Variants in TUBE1 observed in about 807,000 individuals in gnomAD.
The protein encoded by TUBE1 is tubulin epsilon chain.
In TUBE1, 34 loss-of-function variants were observed where a neutral mutation model predicts 53.5. That is an observed-to-expected ratio of 0.64 (90% CI 0.48 to 0.85). The LOEUF is 0.85. Among genes scored for constraint, TUBE1 ranks in the 40% least tolerant of loss-of-function variants. The probability of loss-of-function intolerance (pLI) is 0.00; values close to 1 mark genes in which losing one functional copy is unlikely to be tolerated. For synonymous variants in TUBE1, 177 were observed against 198.4 expected, an observed-to-expected ratio of 0.89 and a Z score of 0.91; for missense variants, 532 against 570.5, an observed-to-expected ratio of 0.93 and a Z score of 0.69.
At chr6:112,075,062 T>TTA in intron 8 of TUBE1, 1 of 199,252 alleles carries the variant, frequency 5.0e-6, no homozygotes, top group Non-Finnish European at 9.2e-6. Context: ...CATTTTTTTT[T>TTA]TCTTTCTTTT....
At chr6:112,073,745 A>G (rs1012802794) in intron 9 of TUBE1, among the ~76,000 whole-genome samples, 1 of 152,214 alleles carries the variant, frequency 6.6e-6, no homozygotes, top group African/African-American at 2.4e-5. Flanking sequence ...AAGAATCTTT[A>G]GTTTTCTTTA....
In TUBE1 at chr6:112,071,492, G is replaced by C. The variant is rs782660398; in HGVS notation, c.1348C>G (p.Leu450Val). ...FTEAVSSLSA[L>V]IQEYDQLDAT... The stretch of plus-strand genomic sequence containing the variant: ...TCCAGTTGGTCATATTCCTGTATGA[G>C]TGCTGATAAAGATGACACAGCTTCT... Residue 450 changes from leucine (L) to valine (V), a missense_variant, in exon 12 of 12, where the codon CTC becomes GTC. Coordinates refer to ENST00000368662, the MANE Select transcript of TUBE1 (RefSeq NM_016262.5). 6 of 1,612,710 alleles carry C rather than the reference G, an allele frequency of 3.7e-6. No individual in the cohort carries two copies. The highest frequency in any genetic ancestry group is 5.1e-6 in the Non-Finnish European group (6 of 1,179,188).
At chr6:112,075,473 T>G (rs1439759099) in intron 8 of TUBE1, 1 of 152,682 alleles carries the variant, frequency 6.5e-6, no homozygotes, top group African/African-American at 2.4e-5. Context: ...CACATATAAG[T>G]CAATAATTAG....
intron 6 of TUBE1, chr6:112,077,483 T>C (rs1402432523): frequency 1.3e-5 from 2 of 152,140 alleles, no homozygotes; most frequent in African/African-American, 2.4e-5. Context: ...TTTTCTTAAA[T>C]GAAACAGTAG....
At chr6:112,081,041 A>C (rs782707962) in intron 5 of TUBE1, 51 bp downstream of exon 5, 2 of 1,154,408 alleles carry the variant, frequency 1.7e-6, no homozygotes, top group Non-Finnish European at 2.6e-6. Context: ...ATGAAGAAAG[A>C]TTGCTCATTT....
chr6:112,071,523 AC>A lies in TUBE1; in HGVS notation c.1316del (p.Cys439PhefsTer33). 6.2e-7 allele frequency: 1 copy of A among 1,612,344 alleles called. No individual in the cohort carries two copies. The highest frequency in any genetic ancestry group is 2.2e-5 in the East Asian group (1 of 44,858). On this transcript the variant is annotated frameshift_variant, in exon 12 of 12. Coordinates refer to ENST00000368662, the MANE Select transcript of TUBE1 (RefSeq NM_016262.5). LOFTEE classifies it high-confidence loss of function. The part of the protein sequence containing the change: ...YLQVEGMEES[C>X]FTEAVSSLSA... Reference sequence around the variant, plus strand: ...ATAAAGATGACACAGCTTCTGTGAAACAGCTTTCTTCCATCCCTTCAACTTG... The same window carrying A: ...ATAAAGATGACACAGCTTCTGTGAAAAGCTTTCTTCCATCCCTTCAACTTG...
At chr6:112,073,879 G>T (rs1475386689) in intron 9 of TUBE1, among the ~76,000 whole-genome samples, 1 of 152,138 alleles carries the variant, frequency 6.6e-6, no homozygotes, top group Non-Finnish European at 1.5e-5. Flanking sequence ...GGGTTCAAGT[G>T]ATCCTCCCAC....
intron 2 of TUBE1, 26 bp from the exon 3 acceptor site, chr6:112,086,634 G>A (rs1227194805): frequency 5.9e-6 from 9 of 1,526,322 alleles, no homozygotes; most frequent in Non-Finnish European, 8.2e-6. Context: ...TATGTTAATA[G>A]CATTTAGGTT....
intron 6 of TUBE1, 165 bp downstream of exon 6, chr6:112,079,468 C>CAAAATTTT (rs1478044398): frequency 1.6e-5 from 8 of 502,524 alleles, no homozygotes; most frequent in Non-Finnish European, 2.6e-5. Context: ...CATAATTCCA[C>CAAAATTTT]AAAATTTTAA....
chr6:112,076,038 CTT>C lies in TUBE1; in HGVS notation c.709_710del (p.Lys237GlufsTer15). 1 of 1,613,946 alleles carries C rather than the reference CTT, an allele frequency of 6.2e-7. No homozygotes were observed. On this transcript the variant is annotated frameshift_variant, in exon 8 of 12. Transcript: ENST00000368662. LOFTEE classifies it high-confidence loss of function. ...CCCCAGAACTTGAAGTAACCAGACT[CTT>C]TGGCTTCACAGTTGTACCCAACTTT... ...SGKLGTTVKP[K>X]SLVTSSSGAL...
At chr6:112,084,509 T>C (rs1198999883) in intron 3 of TUBE1, among the ~76,000 whole-genome samples, 1 of 152,222 alleles carries the variant, frequency 6.6e-6, no homozygotes, top group Admixed American at 6.5e-5. Context: ...GGAAGTATTC[T>C]GGGAAGCTTT....
intron 3 of TUBE1, among the ~76,000 whole-genome samples, chr6:112,084,686 G>A (rs1477424961): frequency 3.3e-5 from 5 of 152,302 alleles, no homozygotes; most frequent in African/African-American, 1.2e-4. Context: ...TATAGTATTA[G>A]ATCTTTGAGG....
chr6:112,074,639 CT>C (rs1237219297), intron 9 of TUBE1, 70 bp downstream of exon 9: 13 of 1,250,600 alleles, frequency 1.0e-5, no homozygotes, highest in Non-Finnish European at 1.4e-5. Context: ...TTATTGCAAA[CT>C]TTTTTCTCTT....
At chr6:112,076,635 A>C in intron 6 of TUBE1, 126 bp from the exon 7 acceptor site, 2 of 745,770 alleles carry the variant, frequency 2.7e-6, no homozygotes, top group Non-Finnish European at 4.1e-6. Flanking sequence ...GCAGCAGCAT[A>C]ATCAGCTCAA....
chr6:112,087,393 C>G lies in TUBE1; in HGVS notation c.25+17G>C, dbSNP rs1385569979. The stretch of plus-strand genomic sequence containing the variant: ...ATTCCGCGGCGACCAGGTCTCTACC[C>G]GCCCGGCGTAGCTTACCCTGTACGA... On this transcript the variant is annotated intron_variant, in intron 1 of 11. Transcript: ENST00000368662. 1.9e-6 allele frequency: 3 copies of G among 1,551,438 alleles called. No homozygotes were observed. In the East Asian group the frequency reaches 7.3e-5, roughly 38 times the overall value.
chr6:112,070,998 A>G lies in TUBE1; in HGVS notation c.*414T>C, dbSNP rs973409445. 4 of 152,086 alleles carry G rather than the reference A, an allele frequency of 2.6e-5. No individual in the cohort carries two copies. The highest frequency in any genetic ancestry group is 5.9e-5 in the Non-Finnish European group (4 of 67,972). 9.4% of individuals were successfully genotyped at this position (152,086 alleles called of 1,614,324 possible). On this transcript the variant is annotated 3_prime_UTR_variant, in exon 12 of 12. Transcript: ENST00000368662. ...GGAAATATTTATATTGTGTTCTTCT[A>G]CTCCCAATAACTACTTTTAAAGAAT...
intron 11 of TUBE1, 104 bp from the exon 12 acceptor site, chr6:112,071,674 C>T (rs781944793): frequency 7.0e-5 from 74 of 1,057,570 alleles, no homozygotes; most frequent in Non-Finnish European, 9.3e-5. Context: ...GTTCATTCAG[C>T]TCTACATTTG....
At chr6:112,072,653 T>C in intron 10 of TUBE1, 105 bp downstream of exon 10, 6 of 1,195,140 alleles carry the variant, frequency 5.0e-6, no homozygotes, top group South Asian at 4.9e-5. Context: ...AGTCACACTT[T>C]AGTAAGTGGC....
intron 4 of TUBE1, among the ~76,000 whole-genome samples, chr6:112,082,376 GTAC>G (rs1210561915): frequency 6.6e-6 from 1 of 152,132 alleles, no homozygotes; most frequent in African/African-American, 2.4e-5. Context: ...GCAAATTTTA[GTAC>G]TACAAGTTGT....
Sources: allele counts gnomAD v4.1 joint callset (sites outside exome capture counted in the v4.1 genomes callset), GRCh38; gene constraint gnomAD v4.1.1; transcripts MANE v1.5; gene names NCBI Gene and HGNC (gene_info 2026-07-23, HGNC 2026-07-21).